NRG4: variants seen among roughly 807,000 people sequenced by gnomAD.
The protein encoded by NRG4 is pro-neuregulin-4, membrane-bound isoform.
In NRG4, 10 loss-of-function variants were observed where a neutral mutation model predicts 15.0. The ratio of observed to expected loss-of-function variants is 0.67; its 90% CI spans 0.41 to 1.13. The LOEUF (loss-of-function observed/expected upper bound fraction) is 1.13. Among genes scored for constraint, NRG4 ranks in the 50% most tolerant of loss-of-function variants. NRG4 has a pLI of 0.00. For missense variants in NRG4, 139 were observed against 140.2 expected, an observed-to-expected ratio of 0.99 and a Z score of 0.04; for synonymous variants, 41 against 50.1, an observed-to-expected ratio of 0.82 and a Z score of 0.77.
intron 5 of NRG4, among the ~76,000 whole-genome samples, chr15:75,944,925 A>C (rs575046660): frequency 3.4e-4 from 52 of 151,862 alleles, no homozygotes; most frequent in Non-Finnish European, 5.6e-4. Flanking sequence ...CTTACAAAAA[A>C]ACAACAGTAA....
chr15:76,055,660 A>C (rs2036135037), intron 2 of NRG4, among the ~76,000 whole-genome samples: 1 of 151,552 alleles, frequency 6.6e-6, no homozygotes, highest in Non-Finnish European at 1.5e-5. Flanking sequence ...TGTTTATTAA[A>C]AAAATAATTA....
At chr15:76,014,760 T>TC (rs780629867), upstream of NRG4, among the ~76,000 whole-genome samples, 9 of 152,178 alleles carry the variant, frequency 5.9e-5, no homozygotes, top group Non-Finnish European at 1.3e-4. Flanking sequence ...TGTAGTATAG[T>TC]TTGAAGTCAG....
intron 4 of NRG4, among the ~76,000 whole-genome samples, chr15:76,044,393 T>C (rs1329119206): frequency 1.3e-5 from 2 of 150,574 alleles, no homozygotes; most frequent in East Asian, 1.9e-4. Context: ...TGGATATCCA[T>C]ATGCAGAAGA....
At chr15:76,005,821 G>C (rs1459808749) in intron 3 of NRG4, 1 of 411,706 alleles carries the variant, frequency 2.4e-6, no homozygotes, top group Admixed American at 2.7e-5. Context: ...TGAGGAGGAG[G>C]AGAAAGAGGA....
chr15:76,009,221 G>T lies in NRG4; in HGVS notation c.83C>A (p.Thr28Asn). 6.3e-7 allele frequency: 1 copy of T among 1,586,694 alleles called. No homozygotes were observed. Among genetic ancestry groups the T allele is most frequent in the Non-Finnish European group, 8.7e-7 (1 of 1,155,398 alleles). ...LNGGLCYVIP[T>N]IPSPFCRCVE... is the part of the protein sequence containing the mutation. ...TCACCTACAAAATGGGCTGGGAATA[G>T]TAGGTATCACATAACAAAGCCCCCC... The change falls in exon 3 of 6, where the codon ACT (threonine) becomes AAT (asparagine). Residue 28 changes from threonine (T) to asparagine (N), a missense_variant. Transcript: ENST00000394907.
At chr15:75,960,930 A>C (rs940149925) in intron 4 of NRG4, among the ~76,000 whole-genome samples, 3 of 152,218 alleles carry the variant, frequency 2.0e-5, no homozygotes, top group African/African-American at 7.2e-5. Flanking sequence ...TTAATACCAC[A>C]TATTTTTAAA....
downstream of NRG4, chr15:75,938,700 A>C (rs558402374): frequency 6.6e-6 from 1 of 152,326 alleles, no homozygotes; most frequent in South Asian, 2.1e-4. Context: ...AGATGGGATC[A>C]CTGAAAGCAG....
rs540972731 is a variant in NRG4 at position 76,041,291 on chromosome 15, A to G, written c.-104-5300T>C. On this transcript the variant is annotated intron_variant, in intron 4 of 8. Transcript: ENST00000563910. The stretch of plus-strand genomic sequence containing the variant: ...ACAACCAGAAAACAAATAAAACGGC[A>G]AGAGTAAGTCCTTGCCTATCAATAA... Among the ~76,000 whole-genome samples, 74 of 152,280 alleles carry G rather than the reference A, an allele frequency of 4.9e-4. 2 individuals carry two copies. In the South Asian group the frequency reaches 0.014, roughly 29 times the overall value.
At chr15:76,044,309 C>T (rs1195952211) in intron 4 of NRG4, among the ~76,000 whole-genome samples, 2 of 145,946 alleles carry the variant, frequency 1.4e-5, no homozygotes, top group Non-Finnish European at 3.0e-5. Flanking sequence ...GCCACATGAA[C>T]TCATTTTTGA....
chr15:76,009,367 C>A, intron 2 of NRG4, 74 bp from the exon 3 acceptor site: 1 of 622,408 alleles, frequency 1.6e-6, no homozygotes, highest in Non-Finnish European at 2.7e-6. Flanking sequence ...ATAGGAATAA[C>A]TATCTTAAAC....
At position 75,969,424 on chromosome 15, in the gene NRG4, C is replaced by T. The variant is rs372889226; in HGVS notation, c.105-7450G>A. On this transcript the variant is annotated intron_variant, in intron 3 of 5. Coordinates refer to ENST00000394907, the MANE Select transcript of NRG4 (RefSeq NM_138573.4). ...GAAGCAAATGCATAATTTGGTATAA[C>T]TTCAGTATGCAGCAATAAGAAGAAA... 6.6e-5 allele frequency among the ~76,000 whole-genome samples: 10 copies of T among 152,316 alleles called. No individual in the cohort carries two copies. The East Asian group carries it at 1.4e-3, about 21-fold the overall frequency.
chr15:75,996,493 A>G (rs1476679604), intron 3 of NRG4, among the ~76,000 whole-genome samples: 1 of 152,198 alleles, frequency 6.6e-6, no homozygotes, highest in Non-Finnish European at 1.5e-5. Flanking sequence ...TATAGAAGAC[A>G]GTGAAATAAA....
At chr15:76,040,633 A>G (rs1435996459) in intron 4 of NRG4, among the ~76,000 whole-genome samples, 1 of 152,196 alleles carries the variant, frequency 6.6e-6, no homozygotes, top group South Asian at 2.1e-4. Context: ...AATAATAACT[A>G]TGGGCCTGGC....
intron 4 of NRG4, among the ~76,000 whole-genome samples, chr15:76,048,574 T>A (rs2035928478): frequency 6.7e-6 from 1 of 148,822 alleles, no homozygotes; most frequent in African/African-American, 2.5e-5. Context: ...CTGCCAGAAA[T>A]AGTCTTGAAT....
chr15:76,009,197 C>T lies in NRG4; in HGVS notation c.104+3G>A, dbSNP rs373996616. ...ACATCTCCCCCTAGTCCATTTCACT[C>T]ACCTACAAAATGGGCTGGGAATAGT... On this transcript the variant is annotated splice_donor_region_variant and intron_variant, in intron 3 of 5. Transcript: ENST00000394907. 81 of 1,454,402 alleles carry T rather than the reference C, an allele frequency of 5.6e-5. No homozygotes were observed. In the African/African-American group the frequency reaches 9.0e-4, roughly 16 times the overall value. The allele number at this position is 1,454,402 out of a possible 1,614,324, so 90.1% of individuals were successfully genotyped here.
intron 4 of NRG4, among the ~76,000 whole-genome samples, chr15:76,038,049 T>C (rs1567123203): frequency 6.6e-6 from 1 of 152,184 alleles, no homozygotes; most frequent in Non-Finnish European, 1.5e-5. Flanking sequence ...GACCTATTCC[T>C]GGCAGGATGC....
chr15:75,996,930 G>A (rs12898961), intron 3 of NRG4, among the ~76,000 whole-genome samples: 6 of 151,716 alleles, frequency 4.0e-5, no homozygotes, highest in Admixed American at 6.6e-5. Flanking sequence ...AACACATATT[G>A]GTTGAGAAAC....
At chr15:75,965,203 C>G (rs910740959) in intron 3 of NRG4, among the ~76,000 whole-genome samples, 1 of 151,604 alleles carries the variant, frequency 6.6e-6, no homozygotes, top group Non-Finnish European at 1.5e-5. Context: ...CCAGCTTGGG[C>G]GACAGGGTGA....
At chr15:75,958,595 T>G (rs754512866) in intron 4 of NRG4, among the ~76,000 whole-genome samples, 10 of 152,158 alleles carry the variant, frequency 6.6e-5, no homozygotes, top group Non-Finnish European at 1.0e-4. Flanking sequence ...ATTCTTAGCT[T>G]TTTACCCCCA....
Sources: allele counts gnomAD v4.1 joint callset (sites outside exome capture counted in the v4.1 genomes callset), GRCh38; gene constraint gnomAD v4.1.1; transcripts MANE v1.5; gene names NCBI Gene and HGNC (gene_info 2026-07-23, HGNC 2026-07-21).